The following ARHGAP24 variants were observed in gnomAD, a reference collection of about 807,000 sequenced individuals.
The protein encoded by ARHGAP24 is rho GTPase-activating protein 24.
A neutral mutation model predicts 76.4 loss-of-function variants in ARHGAP24; 50 were observed. That is an observed-to-expected ratio of 0.65 (90% CI 0.52 to 0.83). ARHGAP24 has a LOEUF of 0.83. ARHGAP24 is among the 40% of genes least tolerant of loss of function. ARHGAP24 has a pLI of 0.00. For synonymous variants in ARHGAP24, 345 were observed against 323.3 expected, an observed-to-expected ratio of 1.07 and a Z score of -0.72; for missense variants, 930 against 914.2, an observed-to-expected ratio of 1.02 and a Z score of -0.22.
chr4:85,733,080 T>TTTTTTTTTTTTTTTTTTTTTTTTTG (rs1578181584), intron 3 of ARHGAP24, among the ~76,000 whole-genome samples: 1 of 136,082 alleles, frequency 7.3e-6, no homozygotes, highest in African/African-American at 2.8e-5. Context: ...TTTTTTTTTT[T>TTTTTTTTTTTTTTTTTTTTTTTTTG]TGAGATGGAG....
chr4:85,851,750 T>C (rs555352586), intron 3 of ARHGAP24, among the ~76,000 whole-genome samples: 1 of 152,308 alleles, frequency 6.6e-6, no homozygotes, highest in Admixed American at 6.5e-5. Flanking sequence ...TGTAAATTAT[T>C]TTCTTTGAGA....
At chr4:85,566,064 C>T (rs965905573) in intron 1 of ARHGAP24, among the ~76,000 whole-genome samples, 1 of 152,196 alleles carries the variant, frequency 6.6e-6, no homozygotes, top group Admixed American at 6.5e-5. Flanking sequence ...TGGCGTGGTA[C>T]AGTAGCCATC....
At chr4:85,850,247 T>C (rs1231301995) in intron 3 of ARHGAP24, among the ~76,000 whole-genome samples, 1 of 152,206 alleles carries the variant, frequency 6.6e-6, no homozygotes, top group Non-Finnish European at 1.5e-5. Flanking sequence ...GAGGTGTTTA[T>C]AGTATTCTCT....
chr4:85,910,437 C>A (rs181171071), intron 3 of ARHGAP24, among the ~76,000 whole-genome samples: 42 of 152,288 alleles, frequency 2.8e-4, no homozygotes, highest in Admixed American at 2.6e-3. Context: ...TGAAGAGGAG[C>A]TTTGTTGAGC....
chr4:85,702,220 GA>G lies in ARHGAP24; in HGVS notation c.181-19662del, dbSNP rs937522654. On this transcript the variant is annotated intron_variant, in intron 2 of 9. Transcript: ENST00000395184. ...ATAGACAAAGGAAGAGTAGTAACTT[GA>G]AAGGGGAAGTACATTCTGTTATGTT... Among the ~76,000 whole-genome samples, 26 of 151,996 alleles carry G rather than the reference GA, an allele frequency of 1.7e-4. 1 individual carries two copies. Among genetic ancestry groups the G allele is most frequent in the African/African-American group, 6.3e-4 (26 of 41,446 alleles).
At chr4:85,808,139 A>G (rs552813341) in intron 3 of ARHGAP24, among the ~76,000 whole-genome samples, 5 of 152,216 alleles carry the variant, frequency 3.3e-5, no homozygotes, top group South Asian at 4.1e-4. Context: ...TTTTCTCCCA[A>G]TTCGAAAAAA....
Position 85,617,878 on chromosome 4 carries a change from T to C in ARHGAP24, c.180+47157T>C, listed in dbSNP as rs370277452. On this transcript the variant is annotated intron_variant, in intron 2 of 9. Coordinates refer to ENST00000395184, the MANE Select transcript of ARHGAP24 (RefSeq NM_001025616.3). Reference sequence around the variant, plus strand: ...ATAGTTGAGAAACAAAAATTCTATATTTTATACTTAAAGTGTACAATGTGG... The same window carrying C: ...ATAGTTGAGAAACAAAAATTCTATACTTTATACTTAAAGTGTACAATGTGG... Among the ~76,000 whole-genome samples, 6 of 152,288 alleles carry C rather than the reference T, an allele frequency of 3.9e-5. No homozygotes were observed. In the East Asian group the frequency reaches 1.2e-3, roughly 29 times the overall value.
chr4:85,953,776 CTAGTGCAATTAT>C (rs1737754939), intron 5 of ARHGAP24, among the ~76,000 whole-genome samples: 1 of 152,018 alleles, frequency 6.6e-6, no homozygotes, highest in African/African-American at 2.4e-5. Flanking sequence ...CTCATAGGCA[CTAGTGCAATTAT>C]TATAAGCATA....
At chr4:85,656,771 A>C (rs1722192354) in intron 2 of ARHGAP24, among the ~76,000 whole-genome samples, 1 of 148,396 alleles carries the variant, frequency 6.7e-6, no homozygotes, top group Admixed American at 6.8e-5. Flanking sequence ...TGGCCAATAA[A>C]GCTTATTTTT....
intron 2 of ARHGAP24, among the ~76,000 whole-genome samples, chr4:85,649,381 A>G (rs1414422238): frequency 6.6e-6 from 1 of 152,156 alleles, no homozygotes; most frequent in East Asian, 1.9e-4. Flanking sequence ...TGCTGAGGAA[A>G]CAATGTCAGC....
At chr4:85,477,915 G>A (rs535477339) in intron 1 of ARHGAP24, among the ~76,000 whole-genome samples, 24 of 152,296 alleles carry the variant, frequency 1.6e-4, no homozygotes, top group Admixed American at 1.4e-3. Flanking sequence ...ATTTTCCTGT[G>A]AATTTTCTGA....
chr4:85,827,655 A>T, intron 3 of ARHGAP24: 1 of 206,344 alleles, frequency 4.8e-6, no homozygotes, highest in Non-Finnish European at 1.0e-5. Flanking sequence ...AGGTGTCTGG[A>T]GTTTAGGGTC....
intron 3 of ARHGAP24, among the ~76,000 whole-genome samples, chr4:85,791,910 G>A (rs1261759053): frequency 1.3e-5 from 2 of 152,180 alleles, no homozygotes; most frequent in South Asian, 2.1e-4. Flanking sequence ...TGTGCATTGT[G>A]TATCCTTTAA....
intron 2 of ARHGAP24, among the ~76,000 whole-genome samples, chr4:85,655,797 A>ATT (rs1429977939): frequency 2.8e-5 from 1 of 36,302 alleles, no homozygotes; most frequent in African/African-American, 1.1e-4. Flanking sequence ...ATATATAGAG[A>ATT]GAGAGAGAGA....
At chr4:85,502,542 A>T (rs1364966371) in intron 1 of ARHGAP24, among the ~76,000 whole-genome samples, 1 of 152,164 alleles carries the variant, frequency 6.6e-6, no homozygotes, top group African/African-American at 2.4e-5. Flanking sequence ...GTGTATAGGA[A>T]TGCTTGTGAG....
rs148540940 is a variant in ARHGAP24 at position 85,629,238 on chromosome 4, A to G, written c.180+58517A>G. 7.0e-3 allele frequency among the ~76,000 whole-genome samples: 1,065 copies of G among 152,284 alleles called. 13 individuals carry two copies. Among genetic ancestry groups the G allele is most frequent in the African/African-American group, 0.025 (1,019 of 41,564 alleles). On this transcript the variant is annotated intron_variant, in intron 2 of 9. Transcript: ENST00000395184. Reference sequence around the variant, plus strand: ...ACTTCAACCACATACAAAAATCTTTATACTTTAATTTCTCCTCCCCTCATG... The same window carrying G: ...ACTTCAACCACATACAAAAATCTTTGTACTTTAATTTCTCCTCCCCTCATG...
intron 2 of ARHGAP24, among the ~76,000 whole-genome samples, chr4:85,580,282 T>C (rs2109971251): frequency 6.6e-6 from 1 of 152,276 alleles, no homozygotes; most frequent in Non-Finnish European, 1.5e-5. Context: ...AATCTCTGCC[T>C]AAGAGCCTAT....
intron 3 of ARHGAP24, among the ~76,000 whole-genome samples, chr4:85,816,614 T>A (rs973907194): frequency 6.6e-6 from 1 of 152,216 alleles, no homozygotes; most frequent in Non-Finnish European, 1.5e-5. Context: ...CAAATAACTA[T>A]GATCGTATGG....
intron 5 of ARHGAP24, among the ~76,000 whole-genome samples, chr4:85,965,494 A>C (rs1489931189): frequency 6.6e-6 from 1 of 152,146 alleles, no homozygotes; most frequent in African/African-American, 2.4e-5. Context: ...AATACTGGAA[A>C]GACAAATATG....
Sources: gnomAD v4.1 joint callset for allele counts (sites outside exome capture counted in the v4.1 genomes callset) on GRCh38, gnomAD v4.1.1 for gene constraint, MANE v1.5 for transcripts, NCBI Gene and HGNC (gene_info 2026-07-23, HGNC 2026-07-21) for gene names.